The following GMNN variants were observed in gnomAD, a reference collection of about 807,000 sequenced individuals.
The protein encoded by GMNN is geminin DNA replication inhibitor, also known as geminin.
GMNN carries 14 observed loss-of-function variants against 20.9 expected under a neutral mutation model. The ratio of observed to expected loss-of-function variants is 0.67; its 90% CI spans 0.44 to 1.05. The LOEUF (loss-of-function observed/expected upper bound fraction) is 1.05. Among genes scored for constraint, GMNN ranks in the 50% least tolerant of loss-of-function variants. The pLI, the probability that GMNN is intolerant of heterozygous loss-of-function variation, is 0.00. For missense variants in GMNN, 227 were observed against 243.8 expected (o/e 0.93, Z 0.46); for synonymous variants, 81 against 85.8 (o/e 0.94, Z 0.31).
At chr6:24,777,146 A>G (rs146264124) in intron 1 of GMNN, 76 bp from the exon 2 acceptor site, 31 of 518,784 alleles carry the variant, frequency 6.0e-5, no homozygotes, top group African/African-American at 5.6e-4. Context: ...CAATAGTATA[A>G]TTTTTATGAT....
chr6:24,784,172 A>G lies in GMNN; in HGVS notation c.357+3A>G. The G allele has an allele frequency of 7.2e-7, 1 of 1,380,424 alleles. No individual in the cohort carries two copies. Among genetic ancestry groups the G allele is most frequent in the Non-Finnish European group, 1.0e-6 (1 of 970,446 alleles). 85.5% of individuals were successfully genotyped at this position (1,380,424 alleles called of 1,614,324 possible). ...AAGCACTTAAGGAAAATGAGAAAGT[A>G]TGTATTGAGTATAATTTGTACCATT... is the stretch of plus-strand genomic sequence containing the variant. On this transcript the variant is annotated splice_donor_region_variant and intron_variant, in intron 5 of 6. Coordinates refer to ENST00000230056, the MANE Select transcript of GMNN (RefSeq NM_015895.5).
At chr6:24,776,560 C>T (rs1020048765) in intron 1 of GMNN, among the ~76,000 whole-genome samples, 5 of 152,238 alleles carry the variant, frequency 3.3e-5, no homozygotes, top group Non-Finnish European at 7.3e-5. Context: ...TTAGGGACAT[C>T]TATCGACGAG....
chr6:24,781,707 T>C (rs1373028467), intron 4 of GMNN, 86 bp downstream of exon 4: 2 of 562,346 alleles, frequency 3.6e-6, no homozygotes, highest in Non-Finnish European at 6.2e-6. Flanking sequence ...TTCTGCCAAT[T>C]ACTGTAATCT....
chr6:24,786,059 A>G lies in GMNN; in HGVS notation c.*260A>G. The G allele has an allele frequency of 6.4e-6, 2 of 314,462 alleles. No individual in the cohort carries two copies. Among genetic ancestry groups the G allele is most frequent in the South Asian group, 1.1e-4 (2 of 18,092 alleles). 19.5% of individuals were successfully genotyped at this position (314,462 alleles called of 1,614,324 possible). On this transcript the variant is annotated 3_prime_UTR_variant, in exon 7 of 7. Transcript: ENST00000230056. The stretch of plus-strand genomic sequence containing the variant: ...TTCAAACTCCTGTTGAACATTGTGT[A>G]TAACTTAGAATAATGAAATATAAGG...
chr6:24,777,183 C>G (rs1562190541), intron 1 of GMNN, 39 bp from the exon 2 acceptor site: 1 of 658,846 alleles, frequency 1.5e-6, no homozygotes, highest in Non-Finnish European at 2.6e-6. Context: ...CTAGACTCCA[C>G]CTTCGGGGGT....
At chr6:24,777,062 A>ATTAACT (rs1166511935) in intron 1 of GMNN, 160 bp from the exon 2 acceptor site, 3 of 397,012 alleles carry the variant, frequency 7.6e-6, no homozygotes, top group African/African-American at 6.2e-5. Context: ...ATCAAGAGTC[A>ATTAACT]TTAACTTTAG....
Position 24,784,029 on chromosome 6 carries a change from A to G in GMNN, c.275-58A>G, listed in dbSNP as rs374998944. ...CTAAGATTGGAAATTTTTTTGAAAC[A>G]AATTACTGGGTTTTGACAGTAATGA... On this transcript the variant is annotated intron_variant, in intron 4 of 6. Transcript: ENST00000230056. 1.8e-3 allele frequency: 1,368 copies of G among 773,736 alleles called. 20 individuals carry two copies. In the South Asian group the frequency reaches 0.024, roughly 13 times the overall value. 47.9% of individuals were successfully genotyped at this position (773,736 alleles called of 1,614,324 possible). A position where few individuals can be genotyped will look rare whatever the true frequency, so the allele number is the denominator to read the frequency against.
Position 24,781,504 on chromosome 6 carries a change from C to T in GMNN, c.157C>T (p.His53Tyr), listed in dbSNP as rs1384929849. 6.3e-7 allele frequency: 1 copy of T among 1,596,886 alleles called. No homozygotes were observed. The highest frequency in any genetic ancestry group is 1.7e-5 in the Admixed American group (1 of 59,820). Residue 53 changes from histidine (H) to tyrosine (Y), a missense_variant, in exon 4 of 7, where the codon CAT (histidine) becomes TAT (tyrosine). Transcript: ENST00000230056. The part of the protein sequence containing the change: ...ELSAGLSKRK[H>Y]RNDHLTSTTS... Reference sequence around the variant, plus strand: ...GTCCGCAGGCTTGTCCAAAAGGAAACATCGGAATGACCACTTAACATCTAC... The same window carrying T: ...GTCCGCAGGCTTGTCCAAAAGGAAATATCGGAATGACCACTTAACATCTAC...
Position 24,784,096 on chromosome 6 carries a change from C to A in GMNN, c.284C>A (p.Ser95Tyr). ...SFDLMIKENP[S>Y]SQYWKEVAEK... ...TAAAATATTATTTTAGAAAATCCAT[C>A]CTCTCAGTATTGGAAGGAAGTGGCA... Residue 95 changes from serine to tyrosine, a missense_variant, in exon 5 of 7, where the codon TCC (serine) becomes TAC (tyrosine). Ser to Tyr is a moderately radical substitution (Grantham distance 144, BLOSUM62 -2). Coordinates refer to ENST00000230056, the MANE Select transcript of GMNN (RefSeq NM_015895.5). 1 of 1,399,126 alleles carries A rather than the reference C, an allele frequency of 7.1e-7. No individual in the cohort carries two copies. Among genetic ancestry groups the A allele is most frequent in the South Asian group, 1.2e-5 (1 of 80,606 alleles). The allele number at this position is 1,399,126 out of a possible 1,614,324, so 86.7% of individuals were successfully genotyped here. A position where few individuals can be genotyped will look rare whatever the true frequency, so the allele number is the denominator to read the frequency against.
chr6:24,785,166 A>G (rs1165651511), intron 6 of GMNN, among the ~76,000 whole-genome samples: 1 of 152,158 alleles, frequency 6.6e-6, no homozygotes, highest in East Asian at 1.9e-4. Context: ...ATGTTTGCAA[A>G]AAGTTTTTCT....
chr6:24,776,385 C>T (rs1172866353), intron 1 of GMNN, among the ~76,000 whole-genome samples: 2 of 152,142 alleles, frequency 1.3e-5, no homozygotes, highest in African/African-American at 2.4e-5. Flanking sequence ...GCAGGTGATC[C>T]GCCTGCCTCG....
At chr6:24,777,019 ATTAT>A in intron 1 of GMNN, 199 bp from the exon 2 acceptor site, 1 of 334,082 alleles carries the variant, frequency 3.0e-6, no homozygotes, top group Non-Finnish European at 5.4e-6. Context: ...TTCAGCTATA[ATTAT>A]TATGTGTGTA....
chr6:24,785,598 T>A, intron 6 of GMNN, 40 bp from the exon 7 acceptor site: 7 of 1,085,936 alleles, frequency 6.4e-6, no homozygotes, highest in Non-Finnish European at 9.6e-6. Context: ...GCTTAGGTTT[T>A]AACATTTTTA....
At chr6:24,785,493 C>T in intron 6 of GMNN, 145 bp from the exon 7 acceptor site, 2 of 484,576 alleles carry the variant, frequency 4.1e-6, no homozygotes, top group South Asian at 7.3e-5. Context: ...TGATATAATA[C>T]TGTTTATAAA....
intron 4 of GMNN, among the ~76,000 whole-genome samples, chr6:24,783,330 T>C (rs1780266002): frequency 6.6e-6 from 1 of 152,208 alleles, no homozygotes; most frequent in South Asian, 2.1e-4. Flanking sequence ...GAAAAGTTTT[T>C]ATTTACAGAA....
At chr6:24,784,384 G>A (rs899781969) in intron 5 of GMNN, 60 bp from the exon 6 acceptor site, 1 of 807,478 alleles carries the variant, frequency 1.2e-6, no homozygotes, top group African/African-American at 1.7e-5. Context: ...TTGGAGGTAT[G>A]TAATTTGATT....
intron 5 of GMNN, 118 bp downstream of exon 5, chr6:24,784,287 TA>T (rs1378029763): frequency 3.0e-5 from 21 of 701,308 alleles, no homozygotes; most frequent in Middle Eastern, 3.5e-4. Flanking sequence ...AAAGTTTAAG[TA>T]AAAAGGCAGC....
At chr6:24,779,073 ATCT>A (rs1161557751) in intron 2 of GMNN, among the ~76,000 whole-genome samples, 2 of 152,222 alleles carry the variant, frequency 1.3e-5, no homozygotes, top group African/African-American at 4.8e-5. Flanking sequence ...TAGTTTACTC[ATCT>A]GTAAATTGGG....
chr6:24,781,460 A>C lies in GMNN; in HGVS notation c.130-17A>C. On this transcript the variant is annotated splice_polypyrimidine_tract_variant and intron_variant, in intron 3 of 6. Transcript: ENST00000230056. ...TTAAATCAAAGTAAATACAGTTGATAAGTGTTTTCATTATAGCTGTCCGCA... is the reference window on the plus strand; with the variant it reads ...TTAAATCAAAGTAAATACAGTTGATCAGTGTTTTCATTATAGCTGTCCGCA... 6.5e-7 allele frequency: 1 copy of C among 1,542,742 alleles called. No homozygotes were observed. Among genetic ancestry groups the C allele is most frequent in the Non-Finnish European group, 8.9e-7 (1 of 1,124,144 alleles).
Sources: gnomAD v4.1 joint callset for allele counts (sites outside exome capture counted in the v4.1 genomes callset) on GRCh38, gnomAD v4.1.1 for gene constraint, MANE v1.5 for transcripts, NCBI Gene and HGNC (gene_info 2026-07-23, HGNC 2026-07-21) for gene names.